Variants in SH3GL2 observed in about 807,000 individuals in gnomAD.
SH3GL2 encodes endophilin-A1.
SH3GL2 carries 24 observed loss-of-function variants against 46.0 expected under a neutral mutation model. The ratio of observed to expected loss-of-function variants is 0.52; its 90% CI spans 0.38 to 0.73. The LOEUF is 0.73. Ranked by LOEUF, SH3GL2 falls within the 30% of genes least tolerant of loss-of-function variation. SH3GL2 has a pLI of 0.00. For synonymous variants in SH3GL2, 196 were observed against 147.1 expected (o/e 1.33, Z -2.40); for missense variants, 413 against 424.2 (o/e 0.97, Z 0.23).
chr9:17,746,406 T>G (rs1046056136), intron 1 of SH3GL2, among the ~76,000 whole-genome samples: 5 of 152,212 alleles, frequency 3.3e-5, no homozygotes, highest in Admixed American at 2.0e-4. Context: ...ATTTTACATG[T>G]GGTTAGTGAC....
At chr9:17,737,703 G>A (rs909478055) in intron 1 of SH3GL2, among the ~76,000 whole-genome samples, 3 of 151,984 alleles carry the variant, frequency 2.0e-5, no homozygotes, top group African/African-American at 7.3e-5. Context: ...GGTCGTTTTC[G>A]TTGGTTCTTT....
At chr9:17,664,140 C>G (rs1238747675) in intron 1 of SH3GL2, among the ~76,000 whole-genome samples, 2 of 152,180 alleles carry the variant, frequency 1.3e-5, no homozygotes, top group Non-Finnish European at 2.9e-5. Flanking sequence ...AGTGAAGTTG[C>G]TAGCTGCTAA....
At chr9:17,738,626 T>TTATATATATATATATA (rs368436353) in intron 1 of SH3GL2, among the ~76,000 whole-genome samples, 28 of 74,806 alleles carry the variant, frequency 3.7e-4, no homozygotes, top group East Asian at 2.3e-3. Flanking sequence ...TCATGTGATT[T>TTATATATATATATATA]TATATATATA....
At chr9:17,687,931 ATTT>A (rs1820965150) in intron 1 of SH3GL2, among the ~76,000 whole-genome samples, 2 of 152,112 alleles carry the variant, frequency 1.3e-5, no homozygotes, top group Non-Finnish European at 2.9e-5. Context: ...AACAAAATTC[ATTT>A]AAGAGATGCC....
intron 1 of SH3GL2, among the ~76,000 whole-genome samples, chr9:17,689,752 G>C (rs1162174453): frequency 3.3e-5 from 5 of 152,084 alleles, no homozygotes. Context: ...CACCTCATTA[G>C]AAAAGCCTCT....
intron 1 of SH3GL2, among the ~76,000 whole-genome samples, chr9:17,666,851 G>A (rs1820356854): frequency 6.6e-6 from 1 of 152,074 alleles, no homozygotes; most frequent in African/African-American, 2.4e-5. Flanking sequence ...CATAAAGGCT[G>A]TACCAGTTTT....
chr9:17,758,162 C>G (rs376451661), intron 2 of SH3GL2, among the ~76,000 whole-genome samples: 1 of 152,170 alleles, frequency 6.6e-6, no homozygotes, highest in African/African-American at 2.4e-5. Context: ...CCTTTCCCTT[C>G]TCTAGGCCAC....
intron 1 of SH3GL2, among the ~76,000 whole-genome samples, chr9:17,647,332 G>T (rs188516070): frequency 6.6e-6 from 1 of 152,288 alleles, no homozygotes; most frequent in Non-Finnish European, 1.5e-5. Context: ...CACATTGTTT[G>T]TCAGATGCTA....
At chr9:17,701,772 A>G (rs1821347984) in intron 1 of SH3GL2, among the ~76,000 whole-genome samples, 1 of 152,118 alleles carries the variant, frequency 6.6e-6, no homozygotes, top group Admixed American at 6.6e-5. Flanking sequence ...TAAAAAATAA[A>G]TATAACACAT....
At chr9:17,649,082 G>A (rs995813475) in intron 1 of SH3GL2, among the ~76,000 whole-genome samples, 64 of 151,982 alleles carry the variant, frequency 4.2e-4, no homozygotes, top group South Asian at 4.2e-4. Context: ...AGGATTAATC[G>A]TAAGGTTCTC....
intron 2 of SH3GL2, among the ~76,000 whole-genome samples, chr9:17,751,139 A>T (rs192381005): frequency 6.6e-5 from 10 of 152,358 alleles, no homozygotes; most frequent in Admixed American, 4.6e-4. Flanking sequence ...AGGGATAGAA[A>T]CATGTCTATA....
intron 1 of SH3GL2, among the ~76,000 whole-genome samples, chr9:17,738,620 G>A (rs1272371345): frequency 7.1e-5 from 2 of 28,190 alleles, no homozygotes; most frequent in African/African-American, 2.6e-4. Context: ...ATTGCCTCAT[G>A]TGATTTTATA....
At chr9:17,740,470 T>C (rs1027262094) in intron 1 of SH3GL2, among the ~76,000 whole-genome samples, 1 of 107,522 alleles carries the variant, frequency 9.3e-6, no homozygotes, top group Non-Finnish European at 1.9e-5. Flanking sequence ...CATCAAGTAT[T>C]GTATTGTATT....
chr9:17,771,226 C>G (rs1395187230), intron 3 of SH3GL2, among the ~76,000 whole-genome samples: 2 of 152,182 alleles, frequency 1.3e-5, no homozygotes, highest in African/African-American at 4.8e-5. Context: ...CTGTCACTGT[C>G]TTTTCAGCTT....
At chr9:17,655,307 C>T (rs1355937928) in intron 1 of SH3GL2, among the ~76,000 whole-genome samples, 3 of 152,118 alleles carry the variant, frequency 2.0e-5, no homozygotes, top group Non-Finnish European at 4.4e-5. Context: ...GGTGTACGTG[C>T]TGTGTTTTGT....
intron 3 of SH3GL2, among the ~76,000 whole-genome samples, chr9:17,766,813 T>G (rs961707901): frequency 6.6e-6 from 1 of 152,208 alleles, no homozygotes; most frequent in Admixed American, 6.5e-5. Context: ...ACTAGATAGT[T>G]TGCCTTTCTG....
intron 1 of SH3GL2, among the ~76,000 whole-genome samples, chr9:17,614,995 C>G (rs1818952546): frequency 6.6e-6 from 1 of 152,158 alleles, no homozygotes; most frequent in African/African-American, 2.4e-5. Context: ...GCCCAGATGC[C>G]AATGACACCC....
Position 17,620,227 on chromosome 9 carries a change from T to A in SH3GL2, c.45+40940T>A, listed in dbSNP as rs76038801. Among the ~76,000 whole-genome samples the A allele has an allele frequency of 1.9e-4, 29 of 152,338 alleles. No individual in the cohort carries two copies. The East Asian group carries it at 3.3e-3, about 17-fold the overall frequency. On this transcript the variant is annotated intron_variant, in intron 1 of 8. Transcript: ENST00000380607. ...AGAGATACTCTGACCTGAATCTTAC[T>A]GGTATGTGATCAGTATATGCCTAAA...
chr9:17,638,061 G>C (rs1819585192), intron 1 of SH3GL2, among the ~76,000 whole-genome samples: 1 of 151,948 alleles, frequency 6.6e-6, no homozygotes, highest in Admixed American at 6.6e-5. Flanking sequence ...GGAGGCTGAG[G>C]CAGGAGAATG....
Sources: gnomAD v4.1 joint callset for allele counts (sites outside exome capture counted in the v4.1 genomes callset) on GRCh38, gnomAD v4.1.1 for gene constraint, MANE v1.5 for transcripts, NCBI Gene and HGNC (gene_info 2026-07-23, HGNC 2026-07-21) for gene names.